MARCHF1: variants seen among roughly 807,000 people sequenced by gnomAD.
MARCHF1 encodes E3 ubiquitin-protein ligase MARCHF1.
MARCHF1 carries 40 observed loss-of-function variants against 54.2 expected under a neutral mutation model. The ratio of observed to expected loss-of-function variants is 0.74; its 90% CI spans 0.57 to 0.96. The LOEUF (loss-of-function observed/expected upper bound fraction) is 0.96, where lower values mean the gene tolerates loss of function less well. Among genes scored for constraint, MARCHF1 ranks in the 40% least tolerant of loss-of-function variants. MARCHF1 has a pLI of 0.00. For missense variants in MARCHF1, 586 were observed against 656.5 expected (o/e 0.89, Z 1.17); for synonymous variants, 236 against 236.3 (o/e 1.00, Z 0.01).
At chr4:164,038,384 T>G (rs1579481345) in intron 2 of MARCHF1, among the ~76,000 whole-genome samples, 1 of 152,228 alleles carries the variant, frequency 6.6e-6, no homozygotes, top group East Asian at 1.9e-4. Flanking sequence ...TCCCAGCTAC[T>G]TGGGAGGCTG....
intron 2 of MARCHF1, among the ~76,000 whole-genome samples, chr4:164,110,980 T>C (rs1755822555): frequency 6.6e-6 from 1 of 151,834 alleles, no homozygotes; most frequent in Non-Finnish European, 1.5e-5. Flanking sequence ...CTTGATTTTC[T>C]ACACAATAGC....
At chr4:163,897,792 C>T (rs767231850) in intron 3 of MARCHF1, among the ~76,000 whole-genome samples, 48 of 152,112 alleles carry the variant, frequency 3.2e-4, no homozygotes, top group Admixed American at 1.3e-3. Context: ...TGTGGTGGCT[C>T]ACGCCTATAA....
At chr4:164,364,147 GAACA>G (rs1009271609) in intron 1 of MARCHF1, among the ~76,000 whole-genome samples, 11 of 152,102 alleles carry the variant, frequency 7.2e-5, no homozygotes, top group African/African-American at 2.6e-4. Flanking sequence ...AATGATTTTA[GAACA>G]AACATTTTTA....
At chr4:163,795,781 C>A (rs1747897557) in intron 4 of MARCHF1, among the ~76,000 whole-genome samples, 1 of 152,090 alleles carries the variant, frequency 6.6e-6, no homozygotes, top group African/African-American at 2.4e-5. Context: ...CACATGTAGT[C>A]AAAAATTTAT....
At chr4:164,185,156 G>A (rs2111027347) in intron 1 of MARCHF1, among the ~76,000 whole-genome samples, 1 of 152,286 alleles carries the variant, frequency 6.6e-6, no homozygotes, top group South Asian at 2.1e-4. Context: ...CAGGATGTGT[G>A]TTGGGAATGG....
At chr4:163,805,380 AC>A (rs1322993432) in intron 4 of MARCHF1, among the ~76,000 whole-genome samples, 32 of 151,994 alleles carry the variant, frequency 2.1e-4, no homozygotes, top group Non-Finnish European at 1.5e-5. Flanking sequence ...TAAAAAAAAA[AC>A]ATTCAACAAG....
intron 3 of MARCHF1, among the ~76,000 whole-genome samples, chr4:163,920,898 C>T (rs982380458): frequency 6.6e-6 from 1 of 152,054 alleles, no homozygotes; most frequent in Admixed American, 6.6e-5. Flanking sequence ...GAACATCTTA[C>T]AAACAGAAAC....
At chr4:164,215,127 T>C (rs964213610) in intron 1 of MARCHF1, among the ~76,000 whole-genome samples, 1 of 152,194 alleles carries the variant, frequency 6.6e-6, no homozygotes, top group Non-Finnish European at 1.5e-5. Context: ...CCTGGGGTTC[T>C]TTCCTTGGTT....
chr4:164,233,338 A>G lies in MARCHF1; in HGVS notation c.-322-121676T>C, dbSNP rs549535646. On this transcript the variant is annotated intron_variant, in intron 1 of 9. Transcript: ENST00000514618. ...AATTTCTGTCTTATTAACCTGCCCA[A>G]TGACATCATTGTTTTGAGTATAAGG... Among the ~76,000 whole-genome samples, 3 of 152,234 alleles carry G rather than the reference A, an allele frequency of 2.0e-5. No homozygotes were observed. The East Asian group carries it at 5.8e-4, about 29-fold the overall frequency.
chr4:164,140,274 T>C (rs1026339455), intron 1 of MARCHF1, among the ~76,000 whole-genome samples: 6 of 149,018 alleles, frequency 4.0e-5, no homozygotes, highest in Admixed American at 6.7e-5. Context: ...ACTGACCCAA[T>C]TGTCCTATAG....
In MARCHF1 at chr4:164,252,839, G is replaced by T. The variant is rs1363285261; in HGVS notation, c.-323+131031C>A. ...AACTCAAAAAGTGGCAGTGGACAGT[G>T]ATGAGGAATATAGATTCGGAAGTTC... On this transcript the variant is annotated intron_variant, in intron 1 of 9. Transcript: ENST00000514618. Among the ~76,000 whole-genome samples the T allele has an allele frequency of 3.3e-5, 5 of 152,116 alleles. No homozygotes were observed. In the South Asian group the frequency reaches 1.0e-3, roughly 32 times the overall value.
At chr4:163,955,363 A>C in intron 3 of MARCHF1, among the ~76,000 whole-genome samples, 1 of 148,826 alleles carries the variant, frequency 6.7e-6, no homozygotes, top group Non-Finnish European at 1.5e-5. Context: ...AAAAACAAAA[A>C]CAAAGCAAAA....
intron 3 of MARCHF1, among the ~76,000 whole-genome samples, chr4:163,858,414 A>G (rs1289380291): frequency 6.6e-6 from 1 of 152,070 alleles, no homozygotes; most frequent in Non-Finnish European, 1.5e-5. Context: ...CTAGTTGTGC[A>G]GTTATGATTA....
chr4:163,645,832 A>G (rs945868497), intron 5 of MARCHF1, among the ~76,000 whole-genome samples: 6 of 152,186 alleles, frequency 3.9e-5, no homozygotes, highest in African/African-American at 1.4e-4. Context: ...GTAAACAATA[A>G]GGGTCCTTTG....
chr4:163,974,070 C>T (rs1239672333), intron 3 of MARCHF1, among the ~76,000 whole-genome samples: 3 of 152,162 alleles, frequency 2.0e-5, no homozygotes. Context: ...CCCTAAATTC[C>T]TGAGTTGTAA....
At chr4:164,234,810 G>T (rs528662049) in intron 1 of MARCHF1, 1 of 152,042 alleles carries the variant, frequency 6.6e-6, no homozygotes, top group Non-Finnish European at 1.5e-5. Flanking sequence ...GACAAAAAAG[G>T]GTTCCAGTTA....
At chr4:163,998,098 A>C (rs1349422988) in intron 2 of MARCHF1, among the ~76,000 whole-genome samples, 2 of 151,190 alleles carry the variant, frequency 1.3e-5, no homozygotes, top group Non-Finnish European at 3.0e-5. Flanking sequence ...GAGGGCATAA[A>C]ATAAATTATA....
intron 2 of MARCHF1, among the ~76,000 whole-genome samples, chr4:164,087,011 A>G (rs1755205685): frequency 6.6e-6 from 1 of 152,098 alleles, no homozygotes; most frequent in Non-Finnish European, 1.5e-5. Flanking sequence ...TTTAATAAGT[A>G]TGTATTTAAT....
In MARCHF1 at chr4:164,375,408, G is replaced by A. The variant is rs1287114251; in HGVS notation, c.-323+8462C>T. Among the ~76,000 whole-genome samples the A allele has an allele frequency of 3.3e-5, 5 of 152,104 alleles. No homozygotes were observed. The East Asian group carries it at 7.7e-4, about 23-fold the overall frequency. The stretch of plus-strand genomic sequence containing the variant: ...AAAAGCCTTGTAGGTAGTCCTTAAG[G>A]TATCATCACCATGAGCTGGAACAAA... On this transcript the variant is annotated intron_variant, in intron 1 of 9. Coordinates refer to ENST00000514618, the MANE Select transcript of MARCHF1 (RefSeq NM_001394959.1).
Sources: allele counts gnomAD v4.1 joint callset (sites outside exome capture counted in the v4.1 genomes callset), GRCh38; gene constraint gnomAD v4.1.1; transcripts MANE v1.5; gene names NCBI Gene and HGNC (gene_info 2026-07-23, HGNC 2026-07-21).